TENM4: variants seen among roughly 807,000 people sequenced by gnomAD.
TENM4 encodes teneurin-4.
A neutral mutation model predicts 243.3 loss-of-function variants in TENM4; 82 were observed. The ratio of observed to expected loss-of-function variants is 0.34; its 90% CI spans 0.28 to 0.40. TENM4 has a LOEUF of 0.40. Ranked by LOEUF, TENM4 falls within the 10% of genes least tolerant of loss-of-function variation. The pLI is 1.00. For missense variants in TENM4, 3,138 were observed against 3,673.3 expected (o/e 0.85, Z 3.77); for synonymous variants, 1,412 against 1,456.3 (o/e 0.97, Z 0.69).
chr11:78,839,240 T>C (rs1858194584), intron 12 of TENM4, among the ~76,000 whole-genome samples: 1 of 152,232 alleles, frequency 6.6e-6, no homozygotes, highest in Non-Finnish European at 1.5e-5. Context: ...TCCATTAAAC[T>C]TATAAATTGA....
intron 2 of TENM4, among the ~76,000 whole-genome samples, chr11:79,237,204 C>T (rs1864492724): frequency 6.6e-6 from 1 of 152,146 alleles, no homozygotes; most frequent in Non-Finnish European, 1.5e-5. Context: ...GTCTTTATCT[C>T]CCCTATGCCC....
chr11:78,976,138 G>A (rs1857649183), intron 6 of TENM4, among the ~76,000 whole-genome samples: 1 of 152,206 alleles, frequency 6.6e-6, no homozygotes, highest in African/African-American at 2.4e-5. Flanking sequence ...CATCAGCCCT[G>A]GGAAGAGGAC....
intron 27 of TENM4, among the ~76,000 whole-genome samples, chr11:78,705,469 T>C (rs776471606): frequency 6.6e-6 from 1 of 152,232 alleles, no homozygotes; most frequent in Non-Finnish European, 1.5e-5. Context: ...TCAGCCTCTC[T>C]GGTTTCACCA....
intron 1 of TENM4, among the ~76,000 whole-genome samples, chr11:79,374,540 ATATC>A (rs2135514589): frequency 7.0e-6 from 1 of 143,504 alleles, no homozygotes; most frequent in East Asian, 2.0e-4. Flanking sequence ...ATATATATCT[ATATC>A]TATATATCTA....
At chr11:79,320,484 T>C (rs1020289648) in intron 1 of TENM4, among the ~76,000 whole-genome samples, 1 of 152,226 alleles carries the variant, frequency 6.6e-6, no homozygotes, top group Admixed American at 6.5e-5. Context: ...GAGTTATTTC[T>C]AGTCCTCACG....
intron 12 of TENM4, among the ~76,000 whole-genome samples, chr11:78,843,450 G>A (rs1288079751): frequency 5.3e-5 from 8 of 151,990 alleles, no homozygotes; most frequent in African/African-American, 1.5e-4. Context: ...TTGTGCCACT[G>A]GACTCCAGCC....
chr11:78,790,052 A>G (rs1445330650), intron 15 of TENM4, among the ~76,000 whole-genome samples: 1 of 152,210 alleles, frequency 6.6e-6, no homozygotes, highest in East Asian at 1.9e-4. Flanking sequence ...TATTCTTCTA[A>G]TAATATCCAC....
chr11:79,201,026 G>T (rs568841557), intron 3 of TENM4, among the ~76,000 whole-genome samples: 3 of 152,056 alleles, frequency 2.0e-5, no homozygotes, highest in Admixed American at 6.5e-5. Flanking sequence ...TGCTGCAGAG[G>T]GTCTGCAGGA....
At chr11:78,771,544 T>A (rs1790561) in intron 17 of TENM4, among the ~76,000 whole-genome samples, 86,871 of 152,098 alleles carry the variant, frequency 0.57, 28,498 homozygotes, top group Non-Finnish European at 0.76. Context: ...TGGCGGCTGT[T>A]TAGCACAAAG....
intron 3 of TENM4, among the ~76,000 whole-genome samples, chr11:79,188,769 C>T (rs1021887594): frequency 1.3e-5 from 2 of 152,094 alleles, no homozygotes; most frequent in Non-Finnish European, 2.9e-5. Context: ...TCTGTCCACA[C>T]TTGTCCAGGC....
intron 2 of TENM4, among the ~76,000 whole-genome samples, chr11:79,283,374 A>G (rs1856193269): frequency 2.0e-5 from 3 of 152,148 alleles, no homozygotes; most frequent in Admixed American, 2.0e-4. Flanking sequence ...ACCATGACCA[A>G]GTGGGATTTA....
chr11:78,851,325 T>A (rs1858533210), intron 12 of TENM4, among the ~76,000 whole-genome samples: 1 of 152,138 alleles, frequency 6.6e-6, no homozygotes, highest in South Asian at 2.1e-4. Flanking sequence ...TGAAGACAGG[T>A]GTCCACATTT....
chr11:79,254,081 G>C (rs1000888269), intron 2 of TENM4, among the ~76,000 whole-genome samples: 2 of 152,162 alleles, frequency 1.3e-5, no homozygotes, highest in African/African-American at 4.8e-5. Context: ...CTGTCGATGG[G>C]AGTGTCCACT....
chr11:79,415,852 A>G (rs185273241), intron 1 of TENM4, among the ~76,000 whole-genome samples: 36 of 152,264 alleles, frequency 2.4e-4, no homozygotes, highest in Non-Finnish European at 4.6e-4. Flanking sequence ...CCATATTCAC[A>G]TCATCCCCCA....
chr11:79,198,583 T>G (rs142088725), intron 3 of TENM4, among the ~76,000 whole-genome samples: 1 of 152,344 alleles, frequency 6.6e-6, no homozygotes, highest in African/African-American at 2.4e-5. Flanking sequence ...ACATGTGCTC[T>G]CAGGAAACTG....
chr11:78,839,569 C>T (rs1274991319), intron 12 of TENM4, among the ~76,000 whole-genome samples: 1 of 151,848 alleles, frequency 6.6e-6, no homozygotes, highest in Non-Finnish European at 1.5e-5. Flanking sequence ...TCTAGGAATA[C>T]AAACACACCC....
chr11:78,700,394 C>T (rs554309530), intron 28 of TENM4, among the ~76,000 whole-genome samples: 2 of 152,294 alleles, frequency 1.3e-5, no homozygotes, highest in South Asian at 4.1e-4. Flanking sequence ...TATCACCCAT[C>T]CTCAGAGCTG....
chr11:78,957,859 T>C (rs554086554), intron 6 of TENM4, among the ~76,000 whole-genome samples: 1 of 152,350 alleles, frequency 6.6e-6, no homozygotes, highest in South Asian at 2.1e-4. Context: ...TCCAACAACT[T>C]GGAATTCTCT....
chr11:79,434,612 A>G (rs777476667), intron 1 of TENM4, among the ~76,000 whole-genome samples: 2 of 152,250 alleles, frequency 1.3e-5, no homozygotes, highest in African/African-American at 2.4e-5. Flanking sequence ...TTTGTGTATC[A>G]GTTCAGCAGA....
Sources: allele counts gnomAD v4.1 joint callset (sites outside exome capture counted in the v4.1 genomes callset), GRCh38; gene constraint gnomAD v4.1.1; transcripts MANE v1.5; gene names NCBI Gene and HGNC (gene_info 2026-07-23, HGNC 2026-07-21).